The following ARB2A variants were observed in gnomAD, a reference collection of about 807,000 sequenced individuals.
The protein encoded by ARB2A is ARB2 cotranscriptional regulator A, also known as cotranscriptional regulator ARB2A.
the ARB2A span, among the ~76,000 whole-genome samples, chr5:93,946,905 A>G: frequency 1.7e-4 from 26 of 152,230 alleles, no homozygotes; most frequent in Admixed American, 7.2e-4. Flanking sequence ...CCACTAATAC[A>G]TGCTTTTCTC....
the ARB2A span, among the ~76,000 whole-genome samples, chr5:93,842,512 A>AT: frequency 9.2e-5 from 14 of 152,108 alleles, no homozygotes; most frequent in African/African-American, 3.1e-4. Flanking sequence ...ATGGTAAAAG[A>AT]TTTTTTTTAA....
At chr5:93,837,696 G>T in the ARB2A span, among the ~76,000 whole-genome samples, 1 of 151,988 alleles carries the variant, frequency 6.6e-6, no homozygotes, top group Admixed American at 6.6e-5. Context: ...TTTTAATAAA[G>T]GCCATTCTGG....
the ARB2A span, among the ~76,000 whole-genome samples, chr5:94,064,399 G>A: frequency 6.6e-6 from 1 of 152,170 alleles, no homozygotes. Flanking sequence ...AGAAGGCAAA[G>A]AGAAAACAAA....
chr5:93,869,345 A>C, the ARB2A span, among the ~76,000 whole-genome samples: 2 of 152,188 alleles, frequency 1.3e-5, no homozygotes, highest in Non-Finnish European at 2.9e-5. Flanking sequence ...ATCTAATTGT[A>C]TTTTACAGTT....
chr5:94,054,671 G>A, the ARB2A span, among the ~76,000 whole-genome samples: 1 of 151,854 alleles, frequency 6.6e-6, no homozygotes, highest in Non-Finnish European at 1.5e-5. Flanking sequence ...ACTATGTCTG[G>A]CCCACCCTCA....
At chr5:93,720,477 T>G in the ARB2A span, among the ~76,000 whole-genome samples, 1 of 152,222 alleles carries the variant, frequency 6.6e-6, no homozygotes, top group African/African-American at 2.4e-5. Flanking sequence ...ATCTTTAAGA[T>G]CTGGATGCTA....
chr5:94,075,787 C>T, the ARB2A span, among the ~76,000 whole-genome samples: 1 of 152,026 alleles, frequency 6.6e-6, no homozygotes, highest in African/African-American at 2.4e-5. Context: ...AAAACTAATA[C>T]TGAAAATAAA....
chr5:93,672,318 C>CT, the ARB2A span, among the ~76,000 whole-genome samples: 5,262 of 143,784 alleles, frequency 0.037, 139 homozygotes, highest in East Asian at 0.14. Context: ...CACTAATGTT[C>CT]TTTTTTTTTT....
At chr5:94,071,127 C>G in the ARB2A span, among the ~76,000 whole-genome samples, 1 of 152,050 alleles carries the variant, frequency 6.6e-6, no homozygotes, top group Non-Finnish European at 1.5e-5. Context: ...TCACCCAACC[C>G]TGGAAACAAC....
chr5:94,011,886 A>T, the ARB2A span, among the ~76,000 whole-genome samples: 1 of 149,432 alleles, frequency 6.7e-6, no homozygotes, highest in Non-Finnish European at 1.5e-5. Flanking sequence ...AGTGATTTAA[A>T]AAAAAAAAAA....
chr5:93,709,655 A>AAAC, the ARB2A span, among the ~76,000 whole-genome samples: 3 of 149,658 alleles, frequency 2.0e-5, no homozygotes, highest in Non-Finnish European at 4.4e-5. Context: ...AAAAAAAAAA[A>AAAC]AACCATAAAT....
the ARB2A span, among the ~76,000 whole-genome samples, chr5:93,883,121 C>A: frequency 6.6e-6 from 1 of 151,326 alleles, no homozygotes; most frequent in Non-Finnish European, 1.5e-5. Context: ...GAATTGTTTT[C>A]TATTTTTTCC....
At chr5:93,731,160 C>T in the ARB2A span, among the ~76,000 whole-genome samples, 3 of 152,090 alleles carry the variant, frequency 2.0e-5, no homozygotes, top group South Asian at 4.1e-4. Context: ...GAATTGTGTC[C>T]CCCACCAAAT....
At chr5:94,026,379 G>A in the ARB2A span, among the ~76,000 whole-genome samples, 4 of 151,926 alleles carry the variant, frequency 2.6e-5, no homozygotes, top group Admixed American at 2.6e-4. Context: ...CAAGAAGAAG[G>A]AGGGCATGCT....
the ARB2A span, among the ~76,000 whole-genome samples, chr5:93,633,879 C>T: frequency 2.6e-5 from 4 of 151,960 alleles, no homozygotes; most frequent in Non-Finnish European, 5.9e-5. Context: ...AATCATGGCT[C>T]ACTGCAGCCT....
At chr5:93,978,032 C>T in the ARB2A span, among the ~76,000 whole-genome samples, 1 of 152,134 alleles carries the variant, frequency 6.6e-6, no homozygotes, top group African/African-American at 2.4e-5. Context: ...AATCACTAAT[C>T]ACCAGAGAGA....
chr5:93,673,917 A>C, the ARB2A span, among the ~76,000 whole-genome samples: 1 of 152,250 alleles, frequency 6.6e-6, no homozygotes, highest in Non-Finnish European at 1.5e-5. Context: ...CTCACAGAGA[A>C]ACATATCCCT....
the ARB2A span, among the ~76,000 whole-genome samples, chr5:93,622,495 A>G: frequency 3.3e-3 from 500 of 152,324 alleles, 1 homozygote; most frequent in African/African-American, 0.012. Flanking sequence ...AGTTACAACA[A>G]TAAGGATGCT....
the ARB2A span, among the ~76,000 whole-genome samples, chr5:93,803,861 A>G: frequency 1.9e-4 from 29 of 152,096 alleles, no homozygotes; most frequent in African/African-American, 7.0e-4. Context: ...CGGGAAAGGT[A>G]AGCAGGTCCA....
Sources: allele counts gnomAD v4.1 joint callset (sites outside exome capture counted in the v4.1 genomes callset), GRCh38; gene constraint gnomAD v4.1.1; transcripts MANE v1.5; gene names NCBI Gene and HGNC (gene_info 2026-07-23, HGNC 2026-07-21).